ITPK1: variants seen among roughly 807,000 people sequenced by gnomAD.
The protein encoded by ITPK1 is inositol-tetrakisphosphate 1-kinase.
In ITPK1, 21 loss-of-function variants were observed where a neutral mutation model predicts 45.3. The observed-to-expected ratio is 0.46, with a 90% CI of 0.33 to 0.67. The LOEUF (loss-of-function observed/expected upper bound fraction) is 0.67. Among genes scored for constraint, ITPK1 ranks in the 30% least tolerant of loss-of-function variants. The probability of loss-of-function intolerance (pLI) is 0.02; values close to 1 mark genes in which losing one functional copy is unlikely to be tolerated. For missense variants in ITPK1, 474 were observed against 573.5 expected, an observed-to-expected ratio of 0.83 and a Z score of 1.77; for synonymous variants, 258 against 253.6, an observed-to-expected ratio of 1.02 and a Z score of -0.16.
chr14:93,115,461 C>G (rs1892911927), intron 1 of ITPK1, among the ~76,000 whole-genome samples, 156 bp from the exon 2 acceptor site: 1 of 148,892 alleles, frequency 6.7e-6, no homozygotes, highest in African/African-American at 2.4e-5. Flanking sequence ...GCGAGCGCCG[C>G]GCCGCCCGGC....
intron 2 of ITPK1, among the ~76,000 whole-genome samples, chr14:93,103,802 G>C (rs1419684350): frequency 6.6e-6 from 1 of 152,198 alleles, no homozygotes; most frequent in Non-Finnish European, 1.5e-5. Context: ...CCCAGCCCTT[G>C]ACTGTTGGAT....
In ITPK1 at chr14:92,977,126, G is replaced by A. The variant is rs147396749; in HGVS notation, c.365-14277C>T. Among the ~76,000 whole-genome samples, 649 of 152,314 alleles carry A rather than the reference G, an allele frequency of 4.3e-3. 6 individuals carry two copies. Among genetic ancestry groups the A allele is most frequent in the African/African-American group, 0.015 (608 of 41,550 alleles). ...TAGGATTGCTGTAAGGATCAAACAGGTTAACACACAAAGCACTTAAAACAG... is the reference window on the plus strand; with the variant it reads ...TAGGATTGCTGTAAGGATCAAACAGATTAACACACAAAGCACTTAAAACAG... On this transcript the variant is annotated intron_variant, in intron 5 of 10. Transcript: ENST00000267615.
At chr14:93,089,476 A>AC (rs888676535) in intron 2 of ITPK1, among the ~76,000 whole-genome samples, 1 of 152,004 alleles carries the variant, frequency 6.6e-6, no homozygotes, top group African/African-American at 2.4e-5. Flanking sequence ...GGTGATGAGC[A>AC]CCCCGTGACA....
chr14:93,110,445 C>T (rs1363758618), intron 2 of ITPK1, among the ~76,000 whole-genome samples: 1 of 152,188 alleles, frequency 6.6e-6, no homozygotes, highest in African/African-American at 2.4e-5. Context: ...CGAAAGAATT[C>T]CAGACCAGAA....
chr14:93,055,116 A>G (rs562966254), intron 3 of ITPK1, among the ~76,000 whole-genome samples: 1 of 152,178 alleles, frequency 6.6e-6, no homozygotes, highest in Non-Finnish European at 1.5e-5. Flanking sequence ...TTTCATGCCT[A>G]TGGGACTCAT....
chr14:92,954,461 T>A (rs1888101966), intron 8 of ITPK1, among the ~76,000 whole-genome samples: 1 of 152,144 alleles, frequency 6.6e-6, no homozygotes, highest in Admixed American at 6.5e-5. Context: ...CCAGCATGTA[T>A]CAGCAAGCCC....
intron 1 of ITPK1, among the ~76,000 whole-genome samples, 194 bp downstream of exon 1, chr14:93,115,578 C>G (rs1892917927): frequency 6.7e-6 from 1 of 148,898 alleles, no homozygotes; most frequent in Admixed American, 6.6e-5. Flanking sequence ...CCCCGCCCTG[C>G]CCGCCCTCCC....
intron 3 of ITPK1, among the ~76,000 whole-genome samples, chr14:93,023,459 C>T (rs969938339): frequency 6.6e-6 from 1 of 152,268 alleles, no homozygotes; most frequent in East Asian, 1.9e-4. Flanking sequence ...GGCATGAGTG[C>T]GGAATAACCC....
intron 8 of ITPK1, among the ~76,000 whole-genome samples, chr14:92,955,820 G>A (rs1884687785): frequency 6.6e-6 from 1 of 152,236 alleles, no homozygotes; most frequent in African/African-American, 2.4e-5. Flanking sequence ...ACATGTCATT[G>A]GGCAAAGGAA....
At chr14:93,100,896 T>TC (rs1892290003) in intron 2 of ITPK1, among the ~76,000 whole-genome samples, 1 of 152,192 alleles carries the variant, frequency 6.6e-6, no homozygotes, top group Non-Finnish European at 1.5e-5. Context: ...GGTCTCACTG[T>TC]CCAGGGGGTC....
At chr14:93,007,243 C>T (rs577447139) in intron 4 of ITPK1, among the ~76,000 whole-genome samples, 42 of 152,230 alleles carry the variant, frequency 2.8e-4, no homozygotes, top group Non-Finnish European at 5.3e-4. Flanking sequence ...CACGCACCTG[C>T]TCAGGTGGGC....
intron 5 of ITPK1, among the ~76,000 whole-genome samples, chr14:92,964,942 CCT>C (rs1408121974): frequency 6.6e-6 from 1 of 152,166 alleles, no homozygotes; most frequent in Non-Finnish European, 1.5e-5. Flanking sequence ...ACTCATTTAC[CCT>C]CATAAGAACC....
intron 5 of ITPK1, among the ~76,000 whole-genome samples, chr14:92,974,601 TCAGGAGCTCCC>T (rs914131272): frequency 6.6e-6 from 1 of 152,172 alleles, no homozygotes; most frequent in Non-Finnish European, 1.5e-5. Context: ...GTGCACAGTC[TCAGGAGCTCCC>T]CAGGAGCTAG....
Position 92,962,834 on chromosome 14 carries a change from G to A in ITPK1, c.380C>T (p.Ser127Leu), listed in dbSNP as rs916309062. 9 of 1,613,034 alleles carry A rather than the reference G, an allele frequency of 5.6e-6. No homozygotes were observed. Among genetic ancestry groups the A allele is most frequent in the African/African-American group, 1.3e-5 (1 of 74,878 alleles). The change falls in exon 6 of 11, where the codon TCG becomes TTG. Residue 127 changes from serine to leucine, a missense_variant. Physicochemically the swap from Ser to Leu is moderately radical, Grantham distance 145. Coordinates refer to ENST00000267615, the MANE Select transcript of ITPK1 (RefSeq NM_014216.6). ...EAYMEDDRIC[S>L]PPFMELTSLC... ...GCTCGTGAGCTCCATGAAGGGTGGC[G>A]AGCAGATCCTGTCGTCTAGGGCAGA...
At chr14:93,088,600 C>A (rs1055531014) in intron 2 of ITPK1, among the ~76,000 whole-genome samples, 1 of 152,080 alleles carries the variant, frequency 6.6e-6, no homozygotes, top group Non-Finnish European at 1.5e-5. Flanking sequence ...AAGTGATCTG[C>A]CTGCCTTGGC....
At chr14:93,035,118 C>T (rs1344034771) in intron 3 of ITPK1, among the ~76,000 whole-genome samples, 1 of 152,256 alleles carries the variant, frequency 6.6e-6, no homozygotes, top group Non-Finnish European at 1.5e-5. Context: ...GATGAGCTCA[C>T]CTGAGCTCTC....
intron 5 of ITPK1, among the ~76,000 whole-genome samples, chr14:92,981,770 A>G (rs1886242466): frequency 6.6e-6 from 1 of 152,236 alleles, no homozygotes; most frequent in South Asian, 2.1e-4. Flanking sequence ...ATGACGAAAC[A>G]GTGGAATGAA....
intron 10 of ITPK1, among the ~76,000 whole-genome samples, chr14:92,942,134 G>A (rs1887461319): frequency 6.6e-6 from 1 of 152,160 alleles, no homozygotes; most frequent in Non-Finnish European, 1.5e-5. Flanking sequence ...CTGTTGCCAG[G>A]GTGTGAGAAG....
chr14:93,094,657 C>T (rs975589208), intron 2 of ITPK1, among the ~76,000 whole-genome samples: 5 of 152,196 alleles, frequency 3.3e-5, no homozygotes, highest in Non-Finnish European at 5.9e-5. Flanking sequence ...GGCCCCAAGC[C>T]GGTGAGCCCA....
Sources: gnomAD v4.1 joint callset for allele counts (sites outside exome capture counted in the v4.1 genomes callset) on GRCh38, gnomAD v4.1.1 for gene constraint, MANE v1.5 for transcripts, NCBI Gene and HGNC (gene_info 2026-07-23, HGNC 2026-07-21) for gene names.